EYS: variants seen among roughly 807,000 people sequenced by gnomAD.
EYS encodes the protein EGF-like photoreceptor maintenance factor, also known as protein eyes shut homolog.
Under a neutral mutation model 282.1 loss-of-function variants are expected in EYS, and 250 were observed. That is an observed-to-expected ratio of 0.89 (90% CI 0.80 to 0.98). The LOEUF is 0.98. Ranked by LOEUF, EYS falls within the 50% of genes least tolerant of loss-of-function variation. The pLI, the probability that EYS is intolerant of heterozygous loss-of-function variation, is 0.00. For missense variants in EYS, 4,016 were observed against 3,709.0 expected (o/e 1.08, Z -2.15); for synonymous variants, 1,355 against 1,282.9 (o/e 1.06, Z -1.20).
At chr6:65,509,999 G>A (rs1277577152) in intron 2 of EYS, among the ~76,000 whole-genome samples, 1 of 151,166 alleles carries the variant, frequency 6.6e-6, no homozygotes, top group African/African-American at 2.4e-5. Context: ...TTTTGCTGGA[G>A]AAAATTTTCT....
chr6:64,215,567 A>G (rs1221991398), intron 31 of EYS, among the ~76,000 whole-genome samples: 1 of 152,090 alleles, frequency 6.6e-6, no homozygotes, highest in East Asian at 1.9e-4. Flanking sequence ...AGTAATTTCT[A>G]TATTTTTTCA....
chr6:65,679,136 T>C (rs1050800369), intron 1 of EYS, among the ~76,000 whole-genome samples: 3 of 151,956 alleles, frequency 2.0e-5, no homozygotes, highest in African/African-American at 7.2e-5. Flanking sequence ...CTATATGATC[T>C]AGAAATTCTA....
intron 40 of EYS, among the ~76,000 whole-genome samples, chr6:63,773,809 T>G (rs189069137): frequency 1.3e-5 from 2 of 152,292 alleles, no homozygotes; most frequent in Admixed American, 6.5e-5. Context: ...ATGCTTAATT[T>G]GGGAACTTTG....
At chr6:63,780,001 G>T (rs1400615983) in intron 39 of EYS, among the ~76,000 whole-genome samples, 1 of 152,082 alleles carries the variant, frequency 6.6e-6, no homozygotes, top group East Asian at 1.9e-4. Flanking sequence ...TGCAGTGTTT[G>T]GTTTTCTGTC....
At chr6:65,043,684 T>G (rs1773009398) in intron 13 of EYS, among the ~76,000 whole-genome samples, 1 of 151,446 alleles carries the variant, frequency 6.6e-6, no homozygotes, top group South Asian at 2.1e-4. Flanking sequence ...TAACATAATG[T>G]TCTCCCTATA....
Position 65,200,081 on chromosome 6 carries a change from A to G in EYS, c.2023+95782T>C, listed in dbSNP as rs1212225943. The stretch of plus-strand genomic sequence containing the variant: ...CTCAAGACGATAACAGTGAGATTTA[A>G]AAAGACAGGAAAGAATTGTGAGAAA... On this transcript the variant is annotated intron_variant, in intron 12 of 42. Coordinates refer to ENST00000503581, the MANE Select transcript of EYS (RefSeq NM_001142800.2). Among the ~76,000 whole-genome samples the G allele has an allele frequency of 2.0e-5, 3 of 152,312 alleles. No individual in the cohort carries two copies. The East Asian group carries it at 5.8e-4, about 29-fold the overall frequency.
chr6:64,834,382 G>T lies in EYS; in HGVS notation c.2993-11560C>A, dbSNP rs1765318903. Among the ~76,000 whole-genome samples the T allele has an allele frequency of 2.0e-5, 3 of 151,656 alleles. No homozygotes were observed. In the Admixed American group the frequency reaches 2.0e-4, roughly 10 times the overall value. The stretch of plus-strand genomic sequence containing the variant: ...TAGTTGCTACTATTTTTAATACAGA[G>T]CTGCATGAAAAAATGGAAAAAATTG... On this transcript the variant is annotated intron_variant, in intron 19 of 42. Coordinates refer to ENST00000503581, the MANE Select transcript of EYS (RefSeq NM_001142800.2).
intron 26 of EYS, among the ~76,000 whole-genome samples, chr6:64,524,762 A>T (rs1296323831): frequency 3.3e-5 from 5 of 151,734 alleles, no homozygotes; most frequent in African/African-American, 1.2e-4. Context: ...CAACTTTGCC[A>T]AAGATCAGAT....
intron 19 of EYS, among the ~76,000 whole-genome samples, chr6:64,827,276 T>C (rs1765088691): frequency 6.6e-6 from 1 of 151,880 alleles, no homozygotes; most frequent in Non-Finnish European, 1.5e-5. Context: ...TTTGAGGTCT[T>C]ACAAAATTCT....
chr6:64,361,285 A>G (rs1160162665), intron 29 of EYS, among the ~76,000 whole-genome samples: 1 of 151,666 alleles, frequency 6.6e-6, no homozygotes, highest in Non-Finnish European at 1.5e-5. Flanking sequence ...AAATTTCATG[A>G]GTGTTTCCAG....
At chr6:64,633,655 G>A (rs1209470103) in intron 22 of EYS, among the ~76,000 whole-genome samples, 3 of 146,020 alleles carry the variant, frequency 2.1e-5, no homozygotes, top group Non-Finnish European at 4.5e-5. Context: ...TGGAGCCTAA[G>A]CCCCCTTTTA....
chr6:64,277,067 G>A (rs149819294), intron 30 of EYS, among the ~76,000 whole-genome samples: 4 of 152,078 alleles, frequency 2.6e-5, no homozygotes, highest in Admixed American at 1.3e-4. Context: ...GACCATGGCT[G>A]TCACCTATTA....
intron 12 of EYS, among the ~76,000 whole-genome samples, chr6:65,135,671 T>TA (rs367980065): frequency 6.6e-6 from 1 of 152,034 alleles, no homozygotes; most frequent in African/African-American, 2.4e-5. Flanking sequence ...CATTTTTTTT[T>TA]AAATCTAAAA....
chr6:65,642,221 T>C (rs896652410), intron 1 of EYS, among the ~76,000 whole-genome samples: 1 of 152,182 alleles, frequency 6.6e-6, no homozygotes, highest in South Asian at 2.1e-4. Flanking sequence ...TTTATTTTGT[T>C]GTTTGTGTTT....
chr6:64,075,689 C>T (rs1391759283), intron 32 of EYS, among the ~76,000 whole-genome samples: 1 of 151,846 alleles, frequency 6.6e-6, no homozygotes, highest in Admixed American at 6.6e-5. Flanking sequence ...CATCTTAAGA[C>T]CTTAATTCCC....
intron 30 of EYS, among the ~76,000 whole-genome samples, chr6:64,249,063 C>CAAAAAAA (rs34663169): frequency 1.0e-4 from 7 of 70,060 alleles, no homozygotes; most frequent in African/African-American, 2.8e-4. Flanking sequence ...CACCCTGTCT[C>CAAAAAAA]AAAAAAAAAA....
intron 29 of EYS, among the ~76,000 whole-genome samples, chr6:64,341,619 A>G (rs143714242): frequency 6.6e-6 from 1 of 151,774 alleles, no homozygotes; most frequent in Admixed American, 6.6e-5. Context: ...GCTCCCCTAC[A>G]CCCATGTAAC....
chr6:64,728,005 T>G (rs1771817687), intron 22 of EYS, among the ~76,000 whole-genome samples: 1 of 152,108 alleles, frequency 6.6e-6, no homozygotes, highest in Non-Finnish European at 1.5e-5. Context: ...GAAACTGGAA[T>G]GCATGGGCAC....
chr6:65,247,093 TTCA>T (rs1461507237), intron 12 of EYS, among the ~76,000 whole-genome samples: 1 of 152,024 alleles, frequency 6.6e-6, no homozygotes. Context: ...TCAAAGCAGA[TTCA>T]TTATTGTTTT....
Sources: gnomAD v4.1 joint callset for allele counts (sites outside exome capture counted in the v4.1 genomes callset) on GRCh38, gnomAD v4.1.1 for gene constraint, MANE v1.5 for transcripts, NCBI Gene and HGNC (gene_info 2026-07-23, HGNC 2026-07-21) for gene names.